The following RNGTT variants were observed in gnomAD, a reference collection of about 807,000 sequenced individuals.
RNGTT encodes the protein RNA guanylyltransferase and 5'-phosphatase, also known as mRNA-capping enzyme.
A neutral mutation model predicts 79.3 loss-of-function variants in RNGTT; 33 were observed. The observed-to-expected ratio is 0.42, with a 90% CI of 0.32 to 0.56. The LOEUF is 0.56. RNGTT is among the 20% of genes least tolerant of loss of function. The pLI is 0.17. For missense variants in RNGTT, 497 were observed against 739.1 expected (o/e 0.67, Z 3.80); for synonymous variants, 222 against 235.9 (o/e 0.94, Z 0.54).
intron 13 of RNGTT, among the ~76,000 whole-genome samples, chr6:88,699,003 T>C (rs576963444): frequency 1.3e-5 from 2 of 152,160 alleles, no homozygotes; most frequent in African/African-American, 4.8e-5. Flanking sequence ...AACAATTACA[T>C]AGCTGACTAG....
intron 1 of RNGTT, among the ~76,000 whole-genome samples, chr6:88,946,650 C>T (rs1028342236): frequency 1.3e-5 from 2 of 150,778 alleles, no homozygotes; most frequent in Non-Finnish European, 3.0e-5. Flanking sequence ...CTCCCTCTCC[C>T]TCTCCCTCTC....
intron 8 of RNGTT, among the ~76,000 whole-genome samples, chr6:88,883,520 T>C (rs554815633): frequency 2.6e-5 from 4 of 152,264 alleles, no homozygotes; most frequent in African/African-American, 9.6e-5. Context: ...CATGACTCAG[T>C]TCCAACCTTA....
At chr6:88,834,414 A>G (rs535626775) in intron 11 of RNGTT, among the ~76,000 whole-genome samples, 2 of 152,252 alleles carry the variant, frequency 1.3e-5, no homozygotes, top group African/African-American at 2.4e-5. Context: ...TGAATGACAT[A>G]TTAATAGACT....
At chr6:88,771,548 T>C (rs1778684391) in intron 12 of RNGTT, among the ~76,000 whole-genome samples, 1 of 151,850 alleles carries the variant, frequency 6.6e-6, no homozygotes, top group East Asian at 1.9e-4. Flanking sequence ...TCCACATACA[T>C]TTTAAAATCA....
At chr6:88,716,513 C>T (rs1480909659) in intron 13 of RNGTT, among the ~76,000 whole-genome samples, 1 of 152,158 alleles carries the variant, frequency 6.6e-6, no homozygotes, top group Non-Finnish European at 1.5e-5. Context: ...AAGACACATG[C>T]ACACCTATGT....
chr6:88,831,744 C>A (rs1191562740), intron 11 of RNGTT, among the ~76,000 whole-genome samples: 3 of 152,354 alleles, frequency 2.0e-5, no homozygotes, highest in African/African-American at 7.2e-5. Flanking sequence ...AGCAAAGTCT[C>A]AGGATACAAA....
chr6:88,762,576 C>T (rs2127837205), intron 13 of RNGTT, among the ~76,000 whole-genome samples: 1 of 152,318 alleles, frequency 6.6e-6, no homozygotes, highest in Non-Finnish European at 1.5e-5. Flanking sequence ...AGACATCTGC[C>T]TTTGCCTAGA....
At chr6:88,814,105 T>A (rs942408130) in intron 11 of RNGTT, among the ~76,000 whole-genome samples, 1 of 152,026 alleles carries the variant, frequency 6.6e-6, no homozygotes, top group African/African-American at 2.4e-5. Flanking sequence ...AATGAAAACA[T>A]AAAAAACTGT....
intron 2 of RNGTT, 129 bp from the exon 3 acceptor site, chr6:88,929,396 T>C: frequency 5.2e-6 from 3 of 578,614 alleles, no homozygotes; most frequent in Non-Finnish European, 9.2e-6. Flanking sequence ...ACTTTGCCCC[T>C]GAACAATTGA....
chr6:88,849,932 CAACTTGATGAAATTTCA>C, intron 9 of RNGTT, 106 bp from the exon 10 acceptor site: 2 of 1,080,426 alleles, frequency 1.9e-6, no homozygotes, highest in Non-Finnish European at 1.2e-6. Context: ...CATAAATATA[CAACTTGATGAAATTTCA>C]AAGTGAACAC....
At chr6:88,914,517 C>CA (rs113493187) in intron 4 of RNGTT, among the ~76,000 whole-genome samples, 14,717 of 151,898 alleles carry the variant, frequency 0.097, 1,627 homozygotes, top group African/African-American at 0.27. Context: ...TCAACAAAGT[C>CA]ACAAAAATAA....
At chr6:88,756,237 G>A (rs1778011069) in intron 13 of RNGTT, among the ~76,000 whole-genome samples, 1 of 151,960 alleles carries the variant, frequency 6.6e-6, no homozygotes, top group Non-Finnish European at 1.5e-5. Context: ...CACTTTAGGA[G>A]GCCGAGGCAG....
intron 13 of RNGTT, among the ~76,000 whole-genome samples, chr6:88,722,332 G>A (rs903552497): frequency 6.6e-6 from 1 of 152,000 alleles, no homozygotes; most frequent in Non-Finnish European, 1.5e-5. Flanking sequence ...ACATGTAACA[G>A]AGTGTGCAAG....
intron 4 of RNGTT, among the ~76,000 whole-genome samples, chr6:88,928,136 CAGG>C (rs1784380521): frequency 6.6e-6 from 1 of 152,010 alleles, no homozygotes; most frequent in African/African-American, 2.4e-5. Context: ...CACTTGAGCC[CAGG>C]AGTTCAAGGC....
At chr6:88,661,145 A>T (rs899695039) in intron 14 of RNGTT, among the ~76,000 whole-genome samples, 6 of 152,196 alleles carry the variant, frequency 3.9e-5, no homozygotes, top group African/African-American at 1.4e-4. Flanking sequence ...AACCTATCAA[A>T]ACCTCTGGGA....
At chr6:88,684,268 C>T (rs936150303) in intron 13 of RNGTT, among the ~76,000 whole-genome samples, 93 of 152,232 alleles carry the variant, frequency 6.1e-4, no homozygotes, top group Admixed American at 4.6e-4. Flanking sequence ...CAGGAACTCG[C>T]GAGCATTGCT....
intron 1 of RNGTT, among the ~76,000 whole-genome samples, chr6:88,948,208 G>T (rs1785090915): frequency 5.5e-5 from 1 of 18,180 alleles, no homozygotes; most frequent in Non-Finnish European, 1.1e-4. Flanking sequence ...CGCCCGGCCA[G>T]CCGCCCCGTC....
At chr6:88,671,674 T>C (rs1483084560) in intron 14 of RNGTT, among the ~76,000 whole-genome samples, 2 of 152,150 alleles carry the variant, frequency 1.3e-5, no homozygotes, top group East Asian at 3.8e-4. Context: ...ACAACAAATC[T>C]GGAGGCATCA....
intron 1 of RNGTT, among the ~76,000 whole-genome samples, chr6:88,962,501 A>AGT (rs1487191049): frequency 6.6e-6 from 1 of 151,948 alleles, no homozygotes; most frequent in African/African-American, 2.4e-5. Context: ...GGCCAGGCAC[A>AGT]GTGGCTCACG....
Sources: gnomAD v4.1 joint callset for allele counts (sites outside exome capture counted in the v4.1 genomes callset) on GRCh38, gnomAD v4.1.1 for gene constraint, MANE v1.5 for transcripts, NCBI Gene and HGNC (gene_info 2026-07-23, HGNC 2026-07-21) for gene names.